Variants in RAB37 observed in about 807,000 individuals in gnomAD.
RAB37 encodes the protein ras-related protein Rab-37.
In RAB37, 29 loss-of-function variants were observed where a neutral mutation model predicts 33.1. That is an observed-to-expected ratio of 0.88 (90% confidence interval 0.65 to 1.20). The LOEUF is 1.20. Ranked by LOEUF, RAB37 falls within the 50% of genes most tolerant of loss-of-function variation. The probability of loss-of-function intolerance (pLI) is 0.00; values close to 1 mark genes in which losing one functional copy is unlikely to be tolerated. For missense variants in RAB37, 299 were observed against 301.1 expected (o/e 0.99, Z 0.05); for synonymous variants, 128 against 119.5 (o/e 1.07, Z -0.47).
At chr17:74,732,933 G>A (rs116019057), upstream of RAB37, among the ~76,000 whole-genome samples, 756 of 151,584 alleles carry the variant, frequency 5.0e-3, 8 homozygotes, top group African/African-American at 0.017. Context: ...GACAATGACA[G>A]TGTGATCTGT....
rs1280272314 is a variant in RAB37, at chr17:74,671,174, G to A, written c.-413G>A. ...GGGATCAGGAACGGTGAGCTCCTGG[G>A]ACCGCAATGCCCTGAGAACGCAGCC... On this transcript the variant is annotated 5_prime_UTR_variant, in exon 1 of 8. Coordinates refer to the RAB37 transcript ENST00000340415. This position sits in a 1 kb window ranked among gnomAD's most constrained non-coding sequence, Gnocchi z 5.0. 1 of 188,120 alleles carries A rather than the reference G, an allele frequency of 5.3e-6. No homozygotes were observed. Among genetic ancestry groups the A allele is most frequent in the African/African-American group, 2.3e-5 (1 of 42,802 alleles). The allele number at this position is 188,120 out of a possible 1,614,324, so 11.7% of individuals were successfully genotyped here.
At chr17:74,693,910 C>CAGAGTG (rs1468592001) in intron 1 of RAB37, among the ~76,000 whole-genome samples, 6 of 151,446 alleles carry the variant, frequency 4.0e-5, no homozygotes, top group Non-Finnish European at 5.9e-5. Context: ...GCCTGGGGAA[C>CAGAGTG]AGAGTGAGAC....
Position 74,740,703 on chromosome 17 carries a change from T to C in RAB37, c.94-65T>C, listed in dbSNP as rs1226860772. ...TCTTCTCTGATCCTCTCCATGTGTC[T>C]CTCTCCTGGAATCCCAGAAGCTGCC... On this transcript the variant is annotated intron_variant, in intron 1 of 8. Transcript: ENST00000392613. 6 of 1,112,184 alleles carry C rather than the reference T, an allele frequency of 5.4e-6. No homozygotes were observed. In the African/African-American group the frequency reaches 9.2e-5, roughly 17 times the overall value. 68.9% of individuals were successfully genotyped at this position (1,112,184 alleles called of 1,614,324 possible).
chr17:74,703,749 C>T (rs1319363749), intron 1 of RAB37, among the ~76,000 whole-genome samples: 1 of 152,206 alleles, frequency 6.6e-6, no homozygotes, highest in Non-Finnish European at 1.5e-5. Flanking sequence ...GGTGCTCCTT[C>T]CATGCCACAA....
intron 1 of RAB37, chr17:74,698,499 C>A (rs770842202): frequency 1.9e-6 from 3 of 1,603,870 alleles, no homozygotes; most frequent in African/African-American, 2.7e-5. Context: ...CAATGGCAAG[C>A]GTCCCCTGCA....
At chr17:74,716,375 G>C (rs571165427) in intron 1 of RAB37, among the ~76,000 whole-genome samples, 22 of 152,260 alleles carry the variant, frequency 1.4e-4, no homozygotes, top group Admixed American at 1.2e-3. Context: ...AGGGGACTCT[G>C]TCTAGCACCT....
intron 1 of RAB37, chr17:74,704,705 C>T (rs773148706): frequency 6.2e-7 from 1 of 1,614,172 alleles, no homozygotes; most frequent in African/African-American, 1.3e-5. Context: ...TCGACACCAC[C>T]ACTTCAAGTA....
At chr17:74,683,318 G>A (rs1297036089) in intron 1 of RAB37, among the ~76,000 whole-genome samples, 1 of 152,200 alleles carries the variant, frequency 6.6e-6, no homozygotes, top group Admixed American at 6.5e-5. Flanking sequence ...AGCAGGGAAT[G>A]AGGATTCAGG....
intron 1 of RAB37, among the ~76,000 whole-genome samples, chr17:74,719,650 T>C (rs1159292790): frequency 1.3e-5 from 2 of 151,920 alleles, no homozygotes; most frequent in Non-Finnish European, 2.9e-5. Flanking sequence ...CCCCAATAGC[T>C]GGGAATACAG....
chr17:74,699,739 C>T (rs368861053), intron 1 of RAB37, among the ~76,000 whole-genome samples: 4 of 152,136 alleles, frequency 2.6e-5, no homozygotes, highest in Admixed American at 2.0e-4. Flanking sequence ...TTGAGCCACT[C>T]GTAACGGCGG....
At chr17:74,680,835 T>C (rs1032430259) in intron 1 of RAB37, among the ~76,000 whole-genome samples, 2 of 88,644 alleles carry the variant, frequency 2.3e-5, no homozygotes, top group African/African-American at 5.1e-5. Context: ...TTCATACTTC[T>C]TCCTCCATCT....
At chr17:74,739,764 C>T (rs185436539) in intron 1 of RAB37, among the ~76,000 whole-genome samples, 123 of 152,046 alleles carry the variant, frequency 8.1e-4, no homozygotes, top group Middle Eastern at 3.4e-3. Flanking sequence ...CTCCCAACCT[C>T]AGGTGATCCG....
intron 1 of RAB37, among the ~76,000 whole-genome samples, chr17:74,719,349 C>G (rs1420560817): frequency 6.6e-6 from 1 of 152,056 alleles, no homozygotes; most frequent in African/African-American, 2.4e-5. Flanking sequence ...ACTTGGGAGG[C>G]TGAAGTGGGA....
At position 74,695,126 on chromosome 17, in the gene RAB37, G is replaced by C. The variant is rs1199477871; in HGVS notation, c.72+23468G>C. On this transcript the variant is annotated intron_variant, in intron 1 of 7. Coordinates refer to the RAB37 transcript ENST00000340415. ...GCCTGCTGATGGTGCTGTATTCCGT[G>C]GGCTCCTCAGGGCCCCTGCCGGGGA... The C allele has an allele frequency of 1.9e-6, 3 of 1,614,002 alleles. No individual in the cohort carries two copies. The African/African-American group carries it at 4.0e-5, about 22-fold the overall frequency.
At chr17:74,682,165 T>A (rs1201244790) in intron 1 of RAB37, among the ~76,000 whole-genome samples, 1 of 152,206 alleles carries the variant, frequency 6.6e-6, no homozygotes, top group African/African-American at 2.4e-5. Flanking sequence ...GGGGAAATCT[T>A]GTGATCAGGA....
At chr17:74,735,661 C>T (rs936923180), upstream of RAB37, among the ~76,000 whole-genome samples, 1 of 152,204 alleles carries the variant, frequency 6.6e-6, no homozygotes, top group Non-Finnish European at 1.5e-5. Context: ...TCTGAGGCTC[C>T]CTGTTTGAGT....
chr17:74,739,071 C>T (rs1379338391), intron 1 of RAB37, among the ~76,000 whole-genome samples: 1 of 152,210 alleles, frequency 6.6e-6, no homozygotes, highest in African/African-American at 2.4e-5. Flanking sequence ...TGCTCAGCCA[C>T]CCCTGCCTCT....
At chr17:74,743,716 G>A (rs2034678332) in intron 5 of RAB37, among the ~76,000 whole-genome samples, 1 of 152,176 alleles carries the variant, frequency 6.6e-6, no homozygotes, top group Non-Finnish European at 1.5e-5. Flanking sequence ...AAGTGACTCA[G>A]TCAGACAGAG....
rs964641007 is a variant in RAB37, at chr17:74,676,009, G to A, written c.72+4351G>A. Among the ~76,000 whole-genome samples the A allele has an allele frequency of 6.6e-6, 1 of 152,148 alleles. No individual in the cohort carries two copies. Among genetic ancestry groups the A allele is most frequent in the Non-Finnish European group, 1.5e-5 (1 of 68,030 alleles). Reference sequence around the variant, plus strand: ...AGCAACCTGGCTGCTCTTTTCCTTAGAGAACTCTCAGTTCTCTCTTGCCAC... The same window carrying A: ...AGCAACCTGGCTGCTCTTTTCCTTAAAGAACTCTCAGTTCTCTCTTGCCAC... On this transcript the variant is annotated intron_variant, in intron 1 of 7. Transcript: ENST00000340415. The surrounding 1 kb of genome is among the most constrained non-coding windows in gnomAD (Gnocchi z 4.1).
Sources: allele counts gnomAD v4.1 joint callset (sites outside exome capture counted in the v4.1 genomes callset), GRCh38; gene constraint gnomAD v4.1.1; non-coding constraint Gnocchi (gnomAD v3.1); transcripts MANE v1.5; gene names NCBI Gene and HGNC (gene_info 2026-07-23, HGNC 2026-07-21).